Variants in EHD4 observed in about 807,000 individuals in gnomAD.
EHD4 encodes the protein EH domain-containing protein 4.
Under a neutral mutation model 51.0 loss-of-function variants are expected in EHD4, and 37 were observed. The ratio of observed to expected loss-of-function variants is 0.73; its 90% CI spans 0.56 to 0.95. The LOEUF (loss-of-function observed/expected upper bound fraction) is 0.95, where lower values mean the gene tolerates loss of function less well. EHD4 is among the 40% of genes least tolerant of loss of function. The probability of loss-of-function intolerance (pLI) is 0.00; values close to 1 mark genes in which losing one functional copy is unlikely to be tolerated. For missense variants in EHD4, 632 were observed against 733.1 expected, an observed-to-expected ratio of 0.86 and a Z score of 1.59; for synonymous variants, 297 against 317.3, an observed-to-expected ratio of 0.94 and a Z score of 0.68.
At chr15:41,910,594 G>T (rs542332461) in intron 4 of EHD4, among the ~76,000 whole-genome samples, 1 of 152,280 alleles carries the variant, frequency 6.6e-6, no homozygotes, top group African/African-American at 2.4e-5. Context: ...TTTTGAGATG[G>T]AATCTCGCTC....
intron 5 of EHD4, among the ~76,000 whole-genome samples, chr15:41,901,912 A>G (rs939087875): frequency 2.0e-5 from 3 of 152,188 alleles, no homozygotes; most frequent in Non-Finnish European, 2.9e-5. Flanking sequence ...TATACAACAT[A>G]ATCATCATGA....
intron 3 of EHD4, among the ~76,000 whole-genome samples, chr15:41,925,273 C>T (rs961830850): frequency 3.9e-5 from 6 of 152,070 alleles, no homozygotes; most frequent in East Asian, 3.9e-4. Context: ...TGGAGGTGAA[C>T]GAAGCTATAG....
chr15:41,958,265 G>C (rs2067900784), intron 1 of EHD4, among the ~76,000 whole-genome samples: 1 of 151,942 alleles, frequency 6.6e-6, no homozygotes, highest in Non-Finnish European at 1.5e-5. Context: ...TTCCAGCAAT[G>C]ATTGCTCCAA....
In EHD4 at chr15:41,900,797, C is replaced by T. The variant is rs770422651; in HGVS notation, c.1474G>A (p.Asp492Asn). Residue 492 changes from aspartate (D) to asparagine (N), a missense_variant, in exon 6 of 6, where the codon GAC becomes AAC. Asp to Asn is a conservative substitution (Grantham distance 23, BLOSUM62 1). Coordinates refer to ENST00000220325, the MANE Select transcript of EHD4 (RefSeq NM_139265.4). This position sits in a 1 kb window ranked among gnomAD's most constrained non-coding sequence, Gnocchi z 4.8. ...TCAAGCATGCCGTCGCAGTCGCAGT[C>T]GGCCAGCTTCCAGATCTTGCCCAGG... is the stretch of plus-strand genomic sequence containing the variant. ...SVLGKIWKLA[D>N]CDCDGMLDEE... is the part of the protein sequence containing the mutation. 21 of 1,614,172 alleles carry T rather than the reference C, an allele frequency of 1.3e-5. No homozygotes were observed. Among genetic ancestry groups the T allele is most frequent in the South Asian group, 9.9e-5 (9 of 91,082 alleles).
chr15:41,956,408 A>G (rs572962270), intron 1 of EHD4, among the ~76,000 whole-genome samples: 45 of 152,332 alleles, frequency 3.0e-4, no homozygotes, highest in Non-Finnish European at 6.0e-4. Context: ...AATCACTCAC[A>G]CAGCACAGGT....
At chr15:41,909,642 CA>C in intron 5 of EHD4, 56 bp downstream of exon 5, 1 of 1,596,276 alleles carries the variant, frequency 6.3e-7, no homozygotes. Flanking sequence ...AACAGCCAGA[CA>C]ATGTGGCACT....
At position 41,923,431 on chromosome 15, in the gene EHD4, G is replaced by A. The variant is rs1031387219; in HGVS notation, c.512-3809C>T. Among the ~76,000 whole-genome samples, 16 of 152,314 alleles carry A rather than the reference G, an allele frequency of 1.1e-4. No homozygotes were observed. The East Asian group carries it at 2.9e-3, about 28-fold the overall frequency. ...GATCTAACTCCCAACATGTCATTTA[G>A]TCTGCCTGCTAAAGGAAAACGGTGA... On this transcript the variant is annotated intron_variant, in intron 3 of 5. Coordinates refer to ENST00000220325, the MANE Select transcript of EHD4 (RefSeq NM_139265.4).
chr15:41,900,987 G>A lies in EHD4; in HGVS notation c.1284C>T (p.Gly428=). The part of the protein sequence containing the change: ...DGTTEGPFNQ[G]YGEGAKEGAD... ...CGCCCTCCTTGGCACCCTCCCCGTA[G>A]CCCTGGTTGAAGGGGCCCTCGGTGG... The change falls in exon 6 of 6, where the codon GGC becomes GGT. Residue 428 remains glycine (G), a synonymous_variant. Coordinates refer to ENST00000220325, the MANE Select transcript of EHD4 (RefSeq NM_139265.4). This position sits in a 1 kb window ranked among gnomAD's most constrained non-coding sequence, Gnocchi z 4.8. 1 of 1,609,944 alleles carries A rather than the reference G, an allele frequency of 6.2e-7. No homozygotes were observed. Among genetic ancestry groups the A allele is most frequent in the South Asian group, 1.1e-5 (1 of 90,924 alleles).
chr15:41,961,525 A>G (rs2067924443), intron 1 of EHD4, among the ~76,000 whole-genome samples: 1 of 152,222 alleles, frequency 6.6e-6, no homozygotes, highest in Admixed American at 6.5e-5. Context: ...AAGTTACTTG[A>G]CTATGGAACC....
chr15:41,945,452 G>A (rs969148827), intron 2 of EHD4, among the ~76,000 whole-genome samples: 1 of 152,178 alleles, frequency 6.6e-6, no homozygotes, highest in East Asian at 1.9e-4. Flanking sequence ...GCATACAAGC[G>A]GGCAAAGCGA....
chr15:41,906,216 C>T (rs1415362133), intron 5 of EHD4, among the ~76,000 whole-genome samples: 1 of 152,212 alleles, frequency 6.6e-6, no homozygotes. Flanking sequence ...TTTACATATA[C>T]CTACCCTTCC....
At chr15:41,949,812 G>A (rs2067841086) in intron 2 of EHD4, among the ~76,000 whole-genome samples, 1 of 152,088 alleles carries the variant, frequency 6.6e-6, no homozygotes, top group Non-Finnish European at 1.5e-5. Flanking sequence ...AAAGGAGACT[G>A]AGGAATAACA....
intron 4 of EHD4, among the ~76,000 whole-genome samples, chr15:41,918,993 C>A (rs1033752458): frequency 1.3e-5 from 2 of 152,232 alleles, no homozygotes; most frequent in African/African-American, 2.4e-5. Context: ...CTCCATGGTA[C>A]AGATTGGAGA....
intron 1 of EHD4, among the ~76,000 whole-genome samples, chr15:41,957,247 T>C (rs896242607): frequency 4.5e-4 from 68 of 152,144 alleles, no homozygotes; most frequent in African/African-American, 1.6e-3. Flanking sequence ...GGATGGTCGC[T>C]TGAGCCCAGG....
chr15:41,944,679 G>C (rs1490959724), intron 2 of EHD4, among the ~76,000 whole-genome samples: 1 of 152,180 alleles, frequency 6.6e-6, no homozygotes, highest in East Asian at 1.9e-4. Context: ...TCCTTTTGCA[G>C]GTGGAAAAGT....
rs146787739 is a variant in EHD4, at chr15:41,935,115, G to A, written c.511+7952C>T. On this transcript the variant is annotated intron_variant, in intron 3 of 5. Transcript: ENST00000220325. The stretch of plus-strand genomic sequence containing the variant: ...TCACCTACTCTCTGCCTTTGCCAAT[G>A]CAGCTCCTCCTGCTGAAGAGCTCTT... 6.8e-4 allele frequency among the ~76,000 whole-genome samples: 104 copies of A among 152,250 alleles called. 1 individual carries two copies. Among genetic ancestry groups the A allele is most frequent in the East Asian group, 6.0e-3 (31 of 5,174 alleles).
At position 41,909,697 on chromosome 15, in the gene EHD4, A is replaced by G. The variant is rs746544723; in HGVS notation, c.1089+2T>C. 1.9e-6 allele frequency: 3 copies of G among 1,614,166 alleles called. No individual in the cohort carries two copies. In the South Asian group the frequency reaches 3.3e-5, roughly 18 times the overall value. The stretch of plus-strand genomic sequence containing the variant: ...CGTGACATTGTAGTGGGCTCCCAGT[A>G]CCTGCATAGCCTTGACCTCAGGGAA... On this transcript the variant is annotated splice_donor_variant, in intron 5 of 5. Transcript: ENST00000220325. LOFTEE classifies it high-confidence loss of function.
chr15:41,917,624 A>G (rs551650647), intron 4 of EHD4, among the ~76,000 whole-genome samples: 2 of 152,330 alleles, frequency 1.3e-5, no homozygotes, highest in Admixed American at 6.5e-5. Context: ...GTTCAGTTGT[A>G]CCTGCTGGAG....
chr15:41,955,308 G>A (rs1026999739), intron 1 of EHD4, among the ~76,000 whole-genome samples: 3 of 151,264 alleles, frequency 2.0e-5, no homozygotes, highest in East Asian at 3.8e-4. Flanking sequence ...GTCACACAGC[G>A]GATGTTCGAG....
Sources: allele counts gnomAD v4.1 joint callset (sites outside exome capture counted in the v4.1 genomes callset), GRCh38; gene constraint gnomAD v4.1.1; non-coding constraint Gnocchi (gnomAD v3.1); transcripts MANE v1.5; gene names NCBI Gene and HGNC (gene_info 2026-07-23, HGNC 2026-07-21).